LEPR: variants seen among roughly 807,000 people sequenced by gnomAD.
LEPR encodes OB receptor.
LEPR carries 56 observed loss-of-function variants against 114.7 expected under a neutral mutation model. The ratio of observed to expected loss-of-function variants is 0.49; its 90% confidence interval spans 0.39 to 0.61. The LOEUF is 0.61. LEPR is among the 20% of genes least tolerant of loss of function. The pLI is 0.00. For synonymous variants in LEPR, 443 were observed against 461.4 expected, an observed-to-expected ratio of 0.96 and a Z score of 0.51; for missense variants, 1,202 against 1,352.9, an observed-to-expected ratio of 0.89 and a Z score of 1.75.
intron 2 of LEPR, among the ~76,000 whole-genome samples, chr1:65,543,322 C>T (rs1651384076): frequency 6.6e-6 from 1 of 151,588 alleles, no homozygotes; most frequent in Non-Finnish European, 1.5e-5. Flanking sequence ...TTGTTTTTTT[C>T]TTATAAATTT....
At chr1:65,565,729 T>C (rs1653688495) in intron 3 of LEPR, 124 bp downstream of exon 3, 1 of 1,265,092 alleles carries the variant, frequency 7.9e-7, no homozygotes, top group Non-Finnish European at 1.1e-6. Flanking sequence ...TTCTCATACA[T>C]GCTTATGATT....
intron 2 of LEPR, among the ~76,000 whole-genome samples, chr1:65,548,733 G>A (rs898877062): frequency 6.6e-6 from 1 of 151,988 alleles, no homozygotes; most frequent in South Asian, 2.1e-4. Context: ...CCTGAATACA[G>A]CACACTGATG....
chr1:65,592,484 C>A (rs1655769845), intron 5 of LEPR, among the ~76,000 whole-genome samples, 173 bp from the exon 6 acceptor site: 1 of 150,136 alleles, frequency 6.7e-6, no homozygotes, highest in African/African-American at 2.4e-5. Context: ...TGATGATTAA[C>A]CTGCTGTAAT....
chr1:65,546,697 G>A (rs560987567), intron 2 of LEPR, among the ~76,000 whole-genome samples: 12 of 152,304 alleles, frequency 7.9e-5, no homozygotes, highest in African/African-American at 2.9e-4. Flanking sequence ...ATCAGCTTAA[G>A]GAGATTTTGG....
At chr1:65,606,797 G>T (rs1266685685) in intron 11 of LEPR, among the ~76,000 whole-genome samples, 4 of 152,064 alleles carry the variant, frequency 2.6e-5, no homozygotes, top group African/African-American at 9.7e-5. Context: ...CATCTTCCTG[G>T]GTTGGTGGAG....
chr1:65,504,601 A>G lies in LEPR; in HGVS notation c.-20-60945A>G, dbSNP rs559729720. ...AGTACTTCTTAAAACTGTCAAGGCCATCAAAAACAAGAAAAGTCTGAGAAG... is the reference window on the plus strand; with the variant it reads ...AGTACTTCTTAAAACTGTCAAGGCCGTCAAAAACAAGAAAAGTCTGAGAAG... On this transcript the variant is annotated intron_variant, in intron 2 of 19. Transcript: ENST00000349533. 7.2e-5 allele frequency among the ~76,000 whole-genome samples: 11 copies of G among 152,336 alleles called. No individual in the cohort carries two copies. In the South Asian group the frequency reaches 2.3e-3, roughly 32 times the overall value.
At chr1:65,453,889 G>A (rs376489729) in intron 2 of LEPR, among the ~76,000 whole-genome samples, 1 of 151,428 alleles carries the variant, frequency 6.6e-6, no homozygotes, top group Non-Finnish European at 1.5e-5. Context: ...GGGTGTTAAA[G>A]TCTCCCATTA....
intron 2 of LEPR, among the ~76,000 whole-genome samples, chr1:65,461,125 G>A (rs986689354): frequency 3.3e-5 from 5 of 151,652 alleles, no homozygotes; most frequent in African/African-American, 4.8e-5. Flanking sequence ...ACAGGCGCCC[G>A]CCACCATGCC....
intron 2 of LEPR, among the ~76,000 whole-genome samples, chr1:65,544,777 C>T (rs1651531580): frequency 6.6e-6 from 1 of 151,062 alleles, no homozygotes; most frequent in South Asian, 2.1e-4. Flanking sequence ...CGTGGTACAA[C>T]ATTGATAAAC....
At chr1:65,473,966 T>C (rs989968072) in intron 2 of LEPR, among the ~76,000 whole-genome samples, 1 of 152,236 alleles carries the variant, frequency 6.6e-6, no homozygotes, top group Non-Finnish European at 1.5e-5. Context: ...TCATTAAATA[T>C]ACTGGTAATC....
Position 65,599,299 on chromosome 1 carries a change from T to C in LEPR, c.994+495T>C, listed in dbSNP as rs1192368896. On this transcript the variant is annotated intron_variant, in intron 8 of 19. Coordinates refer to ENST00000349533, the MANE Select transcript of LEPR (RefSeq NM_002303.6). The stretch of plus-strand genomic sequence containing the variant: ...TTCATTCACAGCTTCTTCATGCAGC[T>C]GATGCGCAAAGTTTTGCATAGAGGC... 1.4e-4 allele frequency among the ~76,000 whole-genome samples: 22 copies of C among 152,278 alleles called. No homozygotes were observed. In the East Asian group the frequency reaches 2.7e-3, roughly 19 times the overall value.
chr1:65,539,985 A>G (rs1651072896), intron 2 of LEPR, among the ~76,000 whole-genome samples: 1 of 152,100 alleles, frequency 6.6e-6, no homozygotes, highest in South Asian at 2.1e-4. Flanking sequence ...CTACCCAGTA[A>G]ACTTTAATAA....
chr1:65,636,334 G>C lies in LEPR; in HGVS notation c.2817G>C (p.Val939=), dbSNP rs773998227. 1 of 1,613,970 alleles carries C rather than the reference G, an allele frequency of 6.2e-7. No individual in the cohort carries two copies. The highest frequency in any genetic ancestry group is 8.5e-7 in the Non-Finnish European group (1 of 1,179,958). Reference sequence around the variant, plus strand: ...AAGATGAGATGATGCCAACAACTGTGGTCTCTCTACTTTCAACAACAGATC... The same window carrying C: ...AAGATGAGATGATGCCAACAACTGTCGTCTCTCTACTTTCAACAACAGATC... ...KNKDEMMPTT[V]VSLLSTTDLE... is the part of the protein sequence containing the mutation. The change falls in exon 20 of 20, where the codon GTG becomes GTC. Residue 939 remains valine (V), a synonymous_variant. Transcript: ENST00000349533.
At chr1:65,472,934 C>T (rs2100420914) in intron 2 of LEPR, among the ~76,000 whole-genome samples, 1 of 152,332 alleles carries the variant, frequency 6.6e-6, no homozygotes. Flanking sequence ...AAAAACTCAT[C>T]TAATGCAGTG....
chr1:65,537,375 G>A (rs1325096202), intron 2 of LEPR, among the ~76,000 whole-genome samples: 1 of 152,102 alleles, frequency 6.6e-6, no homozygotes, highest in African/African-American at 2.4e-5. Context: ...GGTATAACCT[G>A]ACCCTAGGAA....
intron 19 of LEPR, among the ~76,000 whole-genome samples, chr1:65,624,526 G>C (rs1387852260): frequency 6.6e-6 from 1 of 152,002 alleles, no homozygotes; most frequent in African/African-American, 2.4e-5. Flanking sequence ...AAAAAACTTA[G>C]GTTGGTGCAA....
chr1:65,527,407 A>AGT (rs1241530850), intron 2 of LEPR, among the ~76,000 whole-genome samples: 1 of 152,236 alleles, frequency 6.6e-6, no homozygotes, highest in African/African-American at 2.4e-5. Flanking sequence ...GTCTACAGTG[A>AGT]GTATGTACTG....
intron 2 of LEPR, among the ~76,000 whole-genome samples, chr1:65,492,627 G>A (rs1246761782): frequency 6.6e-6 from 1 of 151,882 alleles, no homozygotes; most frequent in African/African-American, 2.4e-5. Context: ...TCCTAATAGT[G>A]TGGCCATAGT....
intron 2 of LEPR, among the ~76,000 whole-genome samples, chr1:65,524,288 G>C (rs567814533): frequency 1.3e-5 from 2 of 152,276 alleles, no homozygotes; most frequent in Non-Finnish European, 2.9e-5. Context: ...CCATCCAATA[G>C]AGACACCTGT....
Sources: gnomAD v4.1 joint callset for allele counts (sites outside exome capture counted in the v4.1 genomes callset) on GRCh38, gnomAD v4.1.1 for gene constraint, MANE v1.5 for transcripts, NCBI Gene and HGNC (gene_info 2026-07-23, HGNC 2026-07-21) for gene names.